Variants in SPTBN5 observed in about 807,000 individuals in gnomAD.
SPTBN5 encodes spectrin beta, non-erythrocytic 5.
SPTBN5 carries 513 observed loss-of-function variants against 477.6 expected under a neutral mutation model. The ratio of observed to expected loss-of-function variants is 1.07; its 90% CI spans 1.00 to 1.16. SPTBN5 has a LOEUF of 1.16. SPTBN5 is among the 50% of genes most tolerant of loss of function. The probability of loss-of-function intolerance (pLI) is 0.00; values close to 1 mark genes in which losing one functional copy is unlikely to be tolerated. For missense variants in SPTBN5, 5,062 were observed against 4,731.8 expected (o/e 1.07, Z -2.05); for synonymous variants, 2,169 against 2,011.7 (o/e 1.08, Z -2.09).
chr15:41,858,703 C>T lies in SPTBN5; in HGVS notation c.8125G>A (p.Gly2709Ser), dbSNP rs369776082. ...GGCAGCATGGCTGTGTCCAGCAAAC[C>T]CTCCTCCAAGGCCACCAGGTTCTTC... Reference protein sequence around the residue: ...REKNLVALEEGLLDTAMLPAQ... With the variant: ...REKNLVALEESLLDTAMLPAQ... The change falls in exon 49 of 68, where the codon GGT becomes AGT. Residue 2709 changes from glycine to serine, a missense_variant. By Grantham distance (56) the Gly-to-Ser change is moderately conservative. Coordinates refer to ENST00000320955, the MANE Select transcript of SPTBN5 (RefSeq NM_016642.4). 5.6e-5 allele frequency: 90 copies of T among 1,609,914 alleles called. No individual in the cohort carries two copies. The highest frequency in any genetic ancestry group is 7.1e-5 in the Non-Finnish European group (84 of 1,178,814).
chr15:41,854,794 T>G lies in SPTBN5; in HGVS notation c.9606A>C (p.Lys3202Asn). ...TGTGATCACCTACCTCTGTGCGGGC[T>G]TTTATTGCTTGGTCCAACCTCTCCC... is the stretch of plus-strand genomic sequence containing the variant. ...AAWERLDQAI[K>N]ARTENLAAAH... is the part of the protein sequence containing the mutation. Residue 3202 changes from lysine to asparagine, a missense_variant, in exon 56 of 68, where the codon AAA becomes AAC. Lys to Asn is a moderately conservative substitution (Grantham distance 94). Transcript: ENST00000320955. 1 of 1,546,912 alleles carries G rather than the reference T, an allele frequency of 6.5e-7. No homozygotes were observed. Among genetic ancestry groups the G allele is most frequent in the Non-Finnish European group, 8.7e-7 (1 of 1,146,448 alleles).
intron 7 of SPTBN5, 124 bp from the exon 8 acceptor site, chr15:41,883,610 G>A (rs2067051574): frequency 3.5e-6 from 4 of 1,129,108 alleles, no homozygotes; most frequent in Non-Finnish European, 5.1e-6. Flanking sequence ...CTGGGGCAAG[G>A]TCTATGGACT....
In SPTBN5 at chr15:41,893,530, T is replaced by C. The variant is rs1210935103; in HGVS notation, c.-33A>G. The C allele has an allele frequency of 6.5e-7, 1 of 1,542,508 alleles. No individual in the cohort carries two copies. Among genetic ancestry groups the C allele is most frequent in the Non-Finnish European group, 8.7e-7 (1 of 1,149,734 alleles). On this transcript the variant is annotated 5_prime_UTR_variant, in exon 2 of 68. Coordinates refer to ENST00000320955, the MANE Select transcript of SPTBN5 (RefSeq NM_016642.4). The stretch of plus-strand genomic sequence containing the variant: ...GCAGACTTTGGGGATGAGGAGCTGC[T>C]GGATGGCTCCCTAAACCTGGAGGGC...
rs61733880 is a variant in SPTBN5 at position 41,856,538 on chromosome 15, A to G, written c.8869T>C (p.Tyr2957His). 54,575 of 1,601,918 alleles carry G rather than the reference A, an allele frequency of 0.034. 1,220 individuals carry two copies. The highest frequency in any genetic ancestry group is 0.1 in the African/African-American group (7,680 of 74,750). Residue 2957 changes from tyrosine (Y) to histidine (H), a missense_variant, in exon 53 of 68, where the codon TAC becomes CAC. Physicochemically the swap from Tyr to His is moderately conservative, Grantham distance 83 (BLOSUM62 2). Transcript: ENST00000320955. Reference sequence around the variant, plus strand: ...AAGTGCCCAGCCTGCACCAGCTTGTACCCAGTGCCCAGCACCACCCGGGTC... The same window carrying G: ...AAGTGCCCAGCCTGCACCAGCTTGTGCCCAGTGCCCAGCACCACCCGGGTC... ...ALTRVVLGTGYKLVQAGHFAA... is the reference protein window; with the variant it reads ...ALTRVVLGTGHKLVQAGHFAA...
chr15:41,869,636 C>T (rs1012242209), intron 32 of SPTBN5, among the ~76,000 whole-genome samples: 6 of 152,262 alleles, frequency 3.9e-5, no homozygotes, highest in Non-Finnish European at 5.9e-5. Context: ...CTTGCTGGCA[C>T]TGACCCAGAC....
At chr15:41,876,059 G>A (rs939446926) in intron 21 of SPTBN5, 55 bp downstream of exon 21, 5 of 1,562,960 alleles carry the variant, frequency 3.2e-6, no homozygotes, top group East Asian at 2.3e-5. Flanking sequence ...TGGTGCAGTA[G>A]GGTTGGGAAT....
rs2065933473 is a variant in SPTBN5 at position 41,856,517 on chromosome 15, G to A, written c.8890C>T (p.His2964Tyr). 2 of 1,600,780 alleles carry A rather than the reference G, an allele frequency of 1.2e-6. No homozygotes were observed. Among genetic ancestry groups the A allele is most frequent in the South Asian group, 1.1e-5 (1 of 88,896 alleles). ...GTGYKLVQAG[H>Y]FAAHEVAARV... ...GCGGCCACCTCGTGGGCGGCAAAGT[G>A]CCCAGCCTGCACCAGCTTGTACCCA... The change falls in exon 53 of 68, where the codon CAC becomes TAC. Residue 2964 changes from histidine to tyrosine, a missense_variant. Transcript: ENST00000320955.
At chr15:41,869,346 G>A (rs1048602859) in intron 32 of SPTBN5, among the ~76,000 whole-genome samples, 6 of 152,218 alleles carry the variant, frequency 3.9e-5, no homozygotes, top group Admixed American at 2.0e-4. Context: ...GGGACACCCC[G>A]TGGCCAGGAC....
intron 20 of SPTBN5, 21 bp downstream of exon 20, chr15:41,876,527 G>C: frequency 1.3e-6 from 2 of 1,569,720 alleles, no homozygotes; most frequent in Non-Finnish European, 1.7e-6. Context: ...GGCGTCATGC[G>C]ACCTGGGCCC....
In SPTBN5 at chr15:41,886,222, G is replaced by A. The variant is rs759902666; in HGVS notation, c.1033C>T (p.Leu345=). 20 of 1,613,090 alleles carry A rather than the reference G, an allele frequency of 1.2e-5. No homozygotes were observed. The highest frequency in any genetic ancestry group is 1.4e-5 in the Non-Finnish European group (16 of 1,179,898). The change falls in exon 7 of 68, where the codon CTG becomes TTG. Residue 345 remains leucine (L), a synonymous_variant. Coordinates refer to ENST00000320955, the MANE Select transcript of SPTBN5 (RefSeq NM_016642.4). ...GTGCGGAAGATGGTGAATGCTGCCAGTAGCTGCCGCATGGCGGGCAGCGAG... is the reference window on the plus strand; with the variant it reads ...GTGCGGAAGATGGTGAATGCTGCCAATAGCTGCCGCATGGCGGGCAGCGAG... ...PDSLPAMRQL[L]AAFTIFRTQE...
At chr15:41,880,440 T>C in intron 13 of SPTBN5, 128 bp from the exon 14 acceptor site, 1 of 995,352 alleles carries the variant, frequency 1.0e-6, no homozygotes, top group Non-Finnish European at 1.4e-6. Flanking sequence ...CCAGAGGGGG[T>C]CCCTGCCTCA....
rs1567200138 is a variant in SPTBN5 at position 41,866,035 on chromosome 15, C to T, written c.6822+3G>A. The stretch of plus-strand genomic sequence containing the variant: ...CTCAGCCCCCACCCAGCTGGGGCTA[C>T]ACCTTCTCCTGGATCCAGGCCTCTG... On this transcript the variant is annotated splice_donor_region_variant and intron_variant, in intron 38 of 67. Coordinates refer to ENST00000320955, the MANE Select transcript of SPTBN5 (RefSeq NM_016642.4). 2.6e-6 allele frequency: 4 copies of T among 1,552,634 alleles called. No individual in the cohort carries two copies. The highest frequency in any genetic ancestry group is 8.7e-7 in the Non-Finnish European group (1 of 1,148,366).
intron 47 of SPTBN5, among the ~76,000 whole-genome samples, chr15:41,860,322 C>T (rs976097702): frequency 3.9e-5 from 6 of 152,246 alleles, no homozygotes; most frequent in African/African-American, 1.4e-4. Flanking sequence ...TCTTGGTCTC[C>T]TAGCATAAGC....
chr15:41,875,071 T>C lies in SPTBN5; in HGVS notation c.4288-15A>G, dbSNP rs1393066114. 8 of 1,599,392 alleles carry C rather than the reference T, an allele frequency of 5.0e-6. No individual in the cohort carries two copies. Among genetic ancestry groups the C allele is most frequent in the African/African-American group, 1.3e-5 (1 of 74,796 alleles). The stretch of plus-strand genomic sequence containing the variant: ...TCCTTTGCATCCTGGGAGGGACGCA[T>C]GGAGCTGCATTAGGTTCTCTGTGTA... On this transcript the variant is annotated splice_polypyrimidine_tract_variant and intron_variant, in intron 22 of 67. Transcript: ENST00000320955.
chr15:41,876,095 T>C lies in SPTBN5; in HGVS notation c.4122+19A>G. ...TTGAAGACAAGGAGGCTCTGCACCC[T>C]CTGTCCCGTGTCCCCCACCTGCTGC... On this transcript the variant is annotated intron_variant, in intron 21 of 67. Transcript: ENST00000320955. The C allele has an allele frequency of 2.5e-6, 4 of 1,589,740 alleles. No homozygotes were observed. The highest frequency in any genetic ancestry group is 3.4e-6 in the Non-Finnish European group (4 of 1,171,072).
In SPTBN5 at chr15:41,876,609, G is replaced by T; in HGVS notation, c.3890C>A (p.Thr1297Asn). The change falls in exon 20 of 68, where the codon ACC (threonine) becomes AAC (asparagine). Residue 1297 changes from threonine (T) to asparagine (N), a missense_variant. Thr to Asn is a moderately conservative substitution (Grantham distance 65). Transcript: ENST00000320955. The stretch of plus-strand genomic sequence containing the variant: ...CTGCTCACTCCTCCCCTGGAGCCTG[G>T]TCCACTGTGCCTGGATACTCTGCAG... Reference protein sequence around the residue: ...EQLQSIQAQWTRLQGRSEQRR... With the variant: ...EQLQSIQAQWNRLQGRSEQRR... 6.2e-7 allele frequency: 1 copy of T among 1,603,598 alleles called. No individual in the cohort carries two copies. The highest frequency in any genetic ancestry group is 8.5e-7 in the Non-Finnish European group (1 of 1,176,644).
chr15:41,882,608 C>T lies in SPTBN5; in HGVS notation c.2023G>A (p.Ala675Thr), dbSNP rs540027543. 1.2e-6 allele frequency: 2 copies of T among 1,604,284 alleles called. No individual in the cohort carries two copies. The highest frequency in any genetic ancestry group is 1.7e-6 in the Non-Finnish European group (2 of 1,176,694). Residue 675 changes from alanine to threonine, a missense_variant, in exon 10 of 68, where the codon GCA becomes ACA. Coordinates refer to ENST00000320955, the MANE Select transcript of SPTBN5 (RefSeq NM_016642.4). Reference sequence around the variant, plus strand: ...ACCTTGTGTTTCTGCAGGGCGCCTGCGATCTGGCTGAGATCCCGGCCCAGG... The same window carrying T: ...ACCTTGTGTTTCTGCAGGGCGCCTGTGATCTGGCTGAGATCCCGGCCCAGG... ...AALGRDLSQI[A>T]GALQKHKALE...
chr15:41,878,022 AG>A lies in SPTBN5; in HGVS notation c.3470+319del, dbSNP rs529772827. Among the ~76,000 whole-genome samples, 168 of 152,252 alleles carry A rather than the reference AG, an allele frequency of 1.1e-3. 1 individual carries two copies. Among genetic ancestry groups the A allele is most frequent in the African/African-American group, 3.9e-3 (163 of 41,544 alleles). On this transcript the variant is annotated intron_variant, in intron 17 of 67. Coordinates refer to ENST00000320955, the MANE Select transcript of SPTBN5 (RefSeq NM_016642.4). ...CTGGGGTCCGTGTTACCAGGACGGC[AG>A]GGGGGGCTAGACGCCCTGACTGAAA...
In SPTBN5 at chr15:41,858,671, CTG is replaced by C. The variant is rs746132187; in HGVS notation, c.8155_8156del (p.Gln2719ValfsTer52). The C allele has an allele frequency of 5.6e-6, 9 of 1,611,386 alleles. No individual in the cohort carries two copies. In the Admixed American group the frequency reaches 1.3e-4, roughly 24 times the overall value. The part of the protein sequence containing the change: ...GLLDTAMLPA[Q>X]LQKQQNFQAE... ...CCTGGAAATTCTGCTGCTTCTGTAA[CTG>C]TGCTGGCAGCATGGCTGTGTCCAGC... On this transcript the variant is annotated frameshift_variant, in exon 49 of 68. Coordinates refer to ENST00000320955, the MANE Select transcript of SPTBN5 (RefSeq NM_016642.4). LOFTEE classifies it high-confidence loss of function.
Sources: gnomAD v4.1 joint callset for allele counts (sites outside exome capture counted in the v4.1 genomes callset) on GRCh38, gnomAD v4.1.1 for gene constraint, MANE v1.5 for transcripts, NCBI Gene and HGNC (gene_info 2026-07-23, HGNC 2026-07-21) for gene names.